Variants in PPP1R37 observed in about 807,000 individuals in gnomAD.
The protein encoded by PPP1R37 is leucine rich repeat containing 68.
PPP1R37 carries 21 observed loss-of-function variants against 61.0 expected under a neutral mutation model. That is an observed-to-expected ratio of 0.34 (90% CI 0.24 to 0.50). The LOEUF is 0.50. PPP1R37 is among the 20% of genes least tolerant of loss of function. PPP1R37 has a pLI of 0.98. For synonymous variants in PPP1R37, 443 were observed against 433.5 expected (o/e 1.02, Z -0.27); for missense variants, 910 against 952.7 (o/e 0.96, Z 0.59).
chr19:45,097,766 G>A (rs988550223), intron 1 of PPP1R37, among the ~76,000 whole-genome samples: 10 of 151,918 alleles, frequency 6.6e-5, no homozygotes, highest in Non-Finnish European at 1.2e-4. Context: ...TCTCTCTCCC[G>A]CGCTGGAATG....
At chr19:45,119,149 C>T (rs534778095) in intron 1 of PPP1R37, among the ~76,000 whole-genome samples, 129 of 150,342 alleles carry the variant, frequency 8.6e-4, no homozygotes, top group Non-Finnish European at 1.0e-3. Flanking sequence ...CCACAACACC[C>T]GTCTAATTTT....
rs141132752 is a variant in PPP1R37, at chr19:45,146,293, C to T, written c.1994-97C>T. 40 of 1,160,924 alleles carry T rather than the reference C, an allele frequency of 3.4e-5. No homozygotes were observed. In the Middle Eastern group the frequency reaches 1.1e-3, roughly 31 times the overall value. The allele number at this position is 1,160,924 out of a possible 1,614,324, so 71.9% of individuals were successfully genotyped here. ...TGACCATCTCAGCGGTCTCTGGGCA[C>T]TCTGCAGGCCCTGAGGGTCTGGCTG... On this transcript the variant is annotated intron_variant, in intron 11 of 12. Coordinates refer to ENST00000221462, the MANE Select transcript of PPP1R37 (RefSeq NM_019121.2).
rs993476019 is a variant in PPP1R37, at chr19:45,145,853, C to A, written c.1797C>A (p.Pro599=). The A allele has an allele frequency of 1.3e-6, 2 of 1,521,416 alleles. No homozygotes were observed. The highest frequency in any genetic ancestry group is 8.8e-7 in the Non-Finnish European group (1 of 1,137,794). 94.2% of individuals were successfully genotyped at this position (1,521,416 alleles called of 1,614,324 possible). A position where few individuals can be genotyped will look rare whatever the true frequency, so the allele number is the denominator to read the frequency against. Residue 599 remains proline, a synonymous_variant, in exon 11 of 13, where the codon CCC becomes CCA. Coordinates refer to ENST00000221462, the MANE Select transcript of PPP1R37 (RefSeq NM_019121.2). ...CTCCCCCACCCCCTCCCTCCCCACC[C>A]GCCTCACCTTCCCTACCACCAGCCG... ...PPSPPPPPSP[P]ASPSLPPAGA... is the part of the protein sequence containing the mutation.
At chr19:45,144,819 G>T in intron 8 of PPP1R37, 35 bp from the exon 9 acceptor site, 1 of 1,492,520 alleles carries the variant, frequency 6.7e-7, no homozygotes, top group Non-Finnish European at 9.0e-7. Flanking sequence ...CCGCCATCAC[G>T]GCCTCCTCCT....
At chr19:45,133,273 G>A (rs1328443647) in intron 1 of PPP1R37, among the ~76,000 whole-genome samples, 2 of 151,908 alleles carry the variant, frequency 1.3e-5, no homozygotes, top group African/African-American at 2.4e-5. Context: ...TAGTAGAGAC[G>A]GGGTTTCACC....
rs917962283 is a variant in PPP1R37 at position 45,144,701 on chromosome 19, G to A, written c.988-153G>A. The A allele has an allele frequency of 9.3e-5, 60 of 642,150 alleles. No homozygotes were observed. In the African/African-American group the frequency reaches 1.0e-3, roughly 11 times the overall value. 39.8% of individuals were successfully genotyped at this position (642,150 alleles called of 1,614,324 possible). The stretch of plus-strand genomic sequence containing the variant: ...AGGAGGGACTTCAGGCCAGGCCTGC[G>A]GCAGGGCAGGACGGCGCCGGTGTTC... On this transcript the variant is annotated intron_variant, in intron 8 of 12. Transcript: ENST00000221462.
At chr19:45,096,671 C>T (rs1292497821) in intron 1 of PPP1R37, among the ~76,000 whole-genome samples, 3 of 151,924 alleles carry the variant, frequency 2.0e-5, no homozygotes, top group African/African-American at 7.3e-5. Context: ...GGAGGGGTGC[C>T]GGTTGGTCTG....
intron 1 of PPP1R37, among the ~76,000 whole-genome samples, chr19:45,106,807 CTTTTTTTT>C (rs927426410): frequency 1.0e-3 from 80 of 78,138 alleles, no homozygotes; most frequent in African/African-American, 4.7e-3. Flanking sequence ...TGTTGAGCAT[CTTTTTTTT>C]TTTTTTTTTT....
chr19:45,115,264 G>A (rs1052508222), intron 1 of PPP1R37, among the ~76,000 whole-genome samples: 1 of 152,206 alleles, frequency 6.6e-6, no homozygotes, highest in African/African-American at 2.4e-5. Flanking sequence ...GGCGAGGCTG[G>A]TGGGTAGGTA....
intron 1 of PPP1R37, among the ~76,000 whole-genome samples, chr19:45,112,383 G>GT (rs1968213289): frequency 6.6e-6 from 1 of 152,248 alleles, no homozygotes; most frequent in African/African-American, 2.4e-5. Context: ...AGAATGGCTG[G>GT]TCATAGTTGA....
chr19:45,101,642 C>T (rs2122709113), intron 1 of PPP1R37, among the ~76,000 whole-genome samples: 1 of 152,296 alleles, frequency 6.6e-6, no homozygotes, highest in East Asian at 1.9e-4. Flanking sequence ...CACTTGAGTC[C>T]AGGAGGTCGA....
chr19:45,143,679 C>T (rs1363876468), intron 8 of PPP1R37, 46 bp downstream of exon 8: 8 of 1,135,484 alleles, frequency 7.0e-6, no homozygotes, highest in Non-Finnish European at 1.0e-5. Context: ...TCCCCGCTGC[C>T]ACCTCCCACT....
At chr19:45,097,506 G>A (rs1338542985) in intron 1 of PPP1R37, among the ~76,000 whole-genome samples, 1 of 151,904 alleles carries the variant, frequency 6.6e-6, no homozygotes, top group Non-Finnish European at 1.5e-5. Context: ...CCAGCTGGGT[G>A]GGAGCTGTGG....
rs761223094 is a variant in PPP1R37 at position 45,146,583 on chromosome 19, G to T, written c.*21G>T. 2.4e-6 allele frequency: 2 copies of T among 840,880 alleles called. No individual in the cohort carries two copies. The highest frequency in any genetic ancestry group is 1.7e-5 in the African/African-American group (1 of 58,756). The allele number at this position is 840,880 out of a possible 1,614,324, so 52.1% of individuals were successfully genotyped here. ...TCTCCTCCCCAAGTTCCCTTTTTCC[G>T]GTCGGTCTGCGATGAGCTGAGGCCA... On this transcript the variant is annotated 3_prime_UTR_variant, in exon 13 of 13. Coordinates refer to ENST00000221462, the MANE Select transcript of PPP1R37 (RefSeq NM_019121.2).
At chr19:45,139,726 G>T (rs1015795390) in intron 2 of PPP1R37, among the ~76,000 whole-genome samples, 5 of 152,268 alleles carry the variant, frequency 3.3e-5, no homozygotes, top group African/African-American at 9.6e-5. Flanking sequence ...CATCGGCCTG[G>T]TTCAGACCAG....
chr19:45,136,729 C>G (rs1002687360), intron 1 of PPP1R37: 2 of 152,572 alleles, frequency 1.3e-5, no homozygotes, highest in African/African-American at 2.4e-5. Context: ...TGGCCTCTGT[C>G]GGCTTCTTTC....
intron 1 of PPP1R37, among the ~76,000 whole-genome samples, chr19:45,101,852 A>G (rs1326418375): frequency 1.3e-5 from 2 of 152,234 alleles, no homozygotes; most frequent in East Asian, 3.9e-4. Context: ...GGCTTGGCGT[A>G]GCCTCATATT....
chr19:45,125,631 TAGGACC>T (rs1968395404), intron 1 of PPP1R37, among the ~76,000 whole-genome samples: 1 of 152,192 alleles, frequency 6.6e-6, no homozygotes, highest in South Asian at 2.1e-4. Flanking sequence ...TCTCAGGGCG[TAGGACC>T]GGCTGTGGCT....
intron 4 of PPP1R37, 69 bp downstream of exon 4, chr19:45,140,675 G>A: frequency 1.6e-6 from 2 of 1,212,556 alleles, no homozygotes; most frequent in South Asian, 1.3e-5. Flanking sequence ...TGGGTGGGGA[G>A]AGGACACTGC....
Sources: allele counts gnomAD v4.1 joint callset (sites outside exome capture counted in the v4.1 genomes callset), GRCh38; gene constraint gnomAD v4.1.1; transcripts MANE v1.5; gene names NCBI Gene and HGNC (gene_info 2026-07-23, HGNC 2026-07-21).